Variants in WDR70 observed in about 807,000 individuals in gnomAD.
WDR70 encodes WD repeat-containing protein 70.
Under a neutral mutation model 88.6 loss-of-function variants are expected in WDR70, and 53 were observed. The observed-to-expected ratio is 0.60, with a 90% CI of 0.48 to 0.75. WDR70 has a LOEUF of 0.75. WDR70 is among the 30% of genes least tolerant of loss of function. The pLI, the probability that WDR70 is intolerant of heterozygous loss-of-function variation, is 0.00. For synonymous variants in WDR70, 280 were observed against 270.0 expected, an observed-to-expected ratio of 1.04 and a Z score of -0.36; for missense variants, 610 against 823.2, an observed-to-expected ratio of 0.74 and a Z score of 3.17.
Position 37,461,122 on chromosome 5 carries a change from A to AAT in WDR70, c.686+17751_686+17752insTA, listed in dbSNP as rs1554141032. 1.0e-3 allele frequency among the ~76,000 whole-genome samples: 154 copies of AAT among 149,560 alleles called. 2 individuals carry two copies. The highest frequency in any genetic ancestry group is 3.6e-3 in the African/African-American group (144 of 39,516). On this transcript the variant is annotated intron_variant, in intron 7 of 17. Coordinates refer to ENST00000265107, the MANE Select transcript of WDR70 (RefSeq NM_018034.4). Reference sequence around the variant, plus strand: ...TCTAACCTCAAAAAAAAAAAAAAAAAAAATAAAGGGTTGTGAAACAAACCC... The same window carrying AAT: ...TCTAACCTCAAAAAAAAAAAAAAAAAATAAATAAAGGGTTGTGAAACAAACCC...
chr5:37,546,905 A>C (rs1742016211), intron 9 of WDR70, among the ~76,000 whole-genome samples: 1 of 151,684 alleles, frequency 6.6e-6, no homozygotes, highest in Non-Finnish European at 1.5e-5. Flanking sequence ...CAACAGAGTG[A>C]GACTCTGTCT....
intron 9 of WDR70, among the ~76,000 whole-genome samples, chr5:37,535,222 CTT>C (rs1187863608): frequency 6.9e-6 from 1 of 144,776 alleles, no homozygotes; most frequent in African/African-American, 2.5e-5. Flanking sequence ...TTGGAATTGA[CTT>C]TTTTTTTTTT....
chr5:37,522,086 G>A (rs10075873), intron 9 of WDR70, among the ~76,000 whole-genome samples: 6,612 of 152,018 alleles, frequency 0.043, 481 homozygotes, highest in African/African-American at 0.15. Context: ...AGGTGGTATC[G>A]CATTGTGGTT....
At chr5:37,414,571 A>G (rs1299696178) in intron 5 of WDR70, among the ~76,000 whole-genome samples, 1 of 149,462 alleles carries the variant, frequency 6.7e-6, no homozygotes, top group Non-Finnish European at 1.5e-5. Context: ...CTTTCTTCAC[A>G]TAAGAATGTA....
intron 8 of WDR70, 114 bp downstream of exon 8, chr5:37,480,101 A>G (rs367579165): frequency 2.3e-6 from 3 of 1,290,094 alleles, no homozygotes; most frequent in African/African-American, 1.5e-5. Flanking sequence ...AACAATAGCA[A>G]TTTATTTGTT....
rs188022159 is a variant in WDR70, at chr5:37,706,567, T to C, written c.1416+3480T>C. ...GCACCTGCTCTCTTGCCTGCCACCA[T>C]GTAAGACGTGCCTTTGCCCCTCCTT... On this transcript the variant is annotated intron_variant, in intron 13 of 17. Coordinates refer to ENST00000265107, the MANE Select transcript of WDR70 (RefSeq NM_018034.4). Among the ~76,000 whole-genome samples the C allele has an allele frequency of 2.0e-3, 303 of 152,304 alleles. 1 individual carries two copies. The highest frequency in any genetic ancestry group is 6.8e-3 in the African/African-American group (284 of 41,576).
chr5:37,505,212 C>T (rs1367240896), intron 8 of WDR70, among the ~76,000 whole-genome samples: 1 of 152,056 alleles, frequency 6.6e-6, no homozygotes. Flanking sequence ...GCTTTGATTG[C>T]AGTAGATCTG....
At chr5:37,508,811 T>C (rs1740635951) in intron 8 of WDR70, among the ~76,000 whole-genome samples, 2 of 152,192 alleles carry the variant, frequency 1.3e-5, no homozygotes, top group South Asian at 4.1e-4. Flanking sequence ...AATTTGGAAG[T>C]GTACTATCCA....
At chr5:37,693,810 A>T (rs147775106) in intron 10 of WDR70, among the ~76,000 whole-genome samples, 3 of 152,220 alleles carry the variant, frequency 2.0e-5, no homozygotes, top group Non-Finnish European at 2.9e-5. Context: ...GGACTTCATG[A>T]CTAAAACACC....
intron 8 of WDR70, among the ~76,000 whole-genome samples, chr5:37,514,339 C>CATACATACATATATATATATAT (rs1330415670): frequency 8.3e-4 from 24 of 28,752 alleles, no homozygotes; most frequent in African/African-American, 1.3e-3. Flanking sequence ...TTTAGAACTA[C>CATACATACATATATATATATAT]ATATATATAT....
At position 37,481,042 on chromosome 5, in the gene WDR70, G is replaced by A. The variant is rs571895627; in HGVS notation, c.840+1055G>A. Among the ~76,000 whole-genome samples, 11 of 152,324 alleles carry A rather than the reference G, an allele frequency of 7.2e-5. No homozygotes were observed. The South Asian group carries it at 2.3e-3, about 32-fold the overall frequency. Reference sequence around the variant, plus strand: ...TTAAAGCTCCAAAATGACCTCCTTTGACTCCATGTGTCACATCCAGGTGAT... The same window carrying A: ...TTAAAGCTCCAAAATGACCTCCTTTAACTCCATGTGTCACATCCAGGTGAT... On this transcript the variant is annotated intron_variant, in intron 8 of 17. Transcript: ENST00000265107.
intron 5 of WDR70, among the ~76,000 whole-genome samples, chr5:37,415,310 C>T (rs531805179): frequency 1.7e-4 from 26 of 150,450 alleles, no homozygotes; most frequent in Middle Eastern, 3.5e-3. Context: ...ACCTCCCAGA[C>T]GGGGTGGTGG....
At chr5:37,423,652 C>T (rs1750022814) in intron 5 of WDR70, among the ~76,000 whole-genome samples, 1 of 148,582 alleles carries the variant, frequency 6.7e-6, no homozygotes, top group Non-Finnish European at 1.5e-5. Context: ...CAACTTCTGC[C>T]TCTTAGGTTC....
rs1039651488 is a variant in WDR70 at position 37,598,250 on chromosome 5, T to G, written c.918-6814T>G. 5.3e-5 allele frequency among the ~76,000 whole-genome samples: 8 copies of G among 152,348 alleles called. No homozygotes were observed. In the East Asian group the frequency reaches 1.3e-3, roughly 26 times the overall value. ...AATTATGATAGTTTTTTTAAATAAC[T>G]GAACATCACAAATACCAGATGATAC... On this transcript the variant is annotated intron_variant, in intron 9 of 17. Transcript: ENST00000265107.
chr5:37,748,408 A>G (rs1381745695), intron 17 of WDR70, among the ~76,000 whole-genome samples: 2 of 152,236 alleles, frequency 1.3e-5, no homozygotes, highest in Non-Finnish European at 2.9e-5. Flanking sequence ...CTGGCTAGCC[A>G]TATGCAGAAA....
intron 9 of WDR70, among the ~76,000 whole-genome samples, chr5:37,531,503 G>A (rs1039298885): frequency 6.7e-6 from 1 of 150,268 alleles, no homozygotes; most frequent in African/African-American, 2.4e-5. Flanking sequence ...TAGAATTGTG[G>A]TATTTCTCTG....
At chr5:37,585,862 A>G (rs1486089815) in intron 9 of WDR70, among the ~76,000 whole-genome samples, 1 of 152,126 alleles carries the variant, frequency 6.6e-6, no homozygotes, top group East Asian at 1.9e-4. Context: ...AGTACTGTGC[A>G]TAATCCCTAA....
rs377540994 is a variant in WDR70 at position 37,465,527 on chromosome 5, A to G, written c.687-14307A>G. Among the ~76,000 whole-genome samples the G allele has an allele frequency of 3.3e-5, 5 of 152,306 alleles. No individual in the cohort carries two copies. The East Asian group carries it at 5.8e-4, about 18-fold the overall frequency. On this transcript the variant is annotated intron_variant, in intron 7 of 17. Transcript: ENST00000265107. Reference sequence around the variant, plus strand: ...GCTAGTAGTAGCTGTGCAGAAAAACAGTTTTATTGATAAGTATCTGATTTG... The same window carrying G: ...GCTAGTAGTAGCTGTGCAGAAAAACGGTTTTATTGATAAGTATCTGATTTG...
chr5:37,676,927 A>G (rs934996794), intron 10 of WDR70, among the ~76,000 whole-genome samples: 1 of 152,196 alleles, frequency 6.6e-6, no homozygotes, highest in Non-Finnish European at 1.5e-5. Flanking sequence ...TTATTGGTCT[A>G]TTGAGAGATT....
Sources: allele counts gnomAD v4.1 joint callset (sites outside exome capture counted in the v4.1 genomes callset), GRCh38; gene constraint gnomAD v4.1.1; transcripts MANE v1.5; gene names NCBI Gene and HGNC (gene_info 2026-07-23, HGNC 2026-07-21).